MCUB: variants seen among roughly 807,000 people sequenced by gnomAD.
MCUB encodes mitochondrial calcium uniporter dominant negative subunit beta.
MCUB carries 46 observed loss-of-function variants against 41.4 expected under a neutral mutation model. The ratio of observed to expected loss-of-function variants is 1.11; its 90% CI spans 0.88 to 1.42. MCUB has a LOEUF of 1.42. Ranked by LOEUF, MCUB falls within the 40% of genes most tolerant of loss-of-function variation. The probability of loss-of-function intolerance (pLI) is 0.00; values close to 1 mark genes in which losing one functional copy is unlikely to be tolerated. For missense variants in MCUB, 403 were observed against 404.9 expected (o/e 1.00, Z 0.04); for synonymous variants, 148 against 148.2 (o/e 1.00, Z 0.01).
At chr4:109,640,808 A>G (rs1728697396) in intron 1 of MCUB, among the ~76,000 whole-genome samples, 1 of 152,222 alleles carries the variant, frequency 6.6e-6, no homozygotes, top group Admixed American at 6.5e-5. Context: ...TGTTCACTGG[A>G]GTAGCACATT....
At chr4:109,612,263 C>CTT (rs56813205) in intron 1 of MCUB, among the ~76,000 whole-genome samples, 5,500 of 114,740 alleles carry the variant, frequency 0.048, 355 homozygotes, top group African/African-American at 0.11. Context: ...TCCTCCTTTT[C>CTT]TTTTTTTTTT....
chr4:109,593,954 G>A (rs1727496903), intron 1 of MCUB, among the ~76,000 whole-genome samples: 1 of 152,178 alleles, frequency 6.6e-6, no homozygotes, highest in Non-Finnish European at 1.5e-5. Context: ...ATGCTATATA[G>A]TCCAGTCAGT....
At chr4:109,619,829 G>A (rs1294903311) in intron 1 of MCUB, among the ~76,000 whole-genome samples, 2 of 152,132 alleles carry the variant, frequency 1.3e-5, no homozygotes, top group African/African-American at 2.4e-5. Context: ...GTGATATTGT[G>A]GCATATATCA....
At chr4:109,567,614 C>G (rs1726812904) in intron 1 of MCUB, among the ~76,000 whole-genome samples, 1 of 134,302 alleles carries the variant, frequency 7.4e-6, no homozygotes. Context: ...TTGGTTTCAC[C>G]ATGTTGACCA....
At chr4:109,560,479 TGC>T (rs1263867490) in intron 1 of MCUB, 43 bp downstream of exon 1, 41 of 961,714 alleles carry the variant, frequency 4.3e-5, no homozygotes, top group Non-Finnish European at 5.5e-5. Context: ...GGTAGGCTGG[TGC>T]AAAGTTTGCG....
In MCUB at chr4:109,658,883, T is replaced by A; in HGVS notation, c.100-128T>A. ...TGCCAAGGGCTCACCCTGGGATGCA[T>A]GACAAGTTGAGTTTTTCATTATGCT... On this transcript the variant is annotated intron_variant, in intron 1 of 7. Coordinates refer to ENST00000394650, the MANE Select transcript of MCUB (RefSeq NM_017918.5). The A allele has an allele frequency of 7.5e-6, 5 of 667,610 alleles. No individual in the cohort carries two copies. In the South Asian group the frequency reaches 9.0e-5, roughly 12 times the overall value. 41.4% of individuals were successfully genotyped at this position (667,610 alleles called of 1,614,324 possible). A position where few individuals can be genotyped will look rare whatever the true frequency, so the allele number is the denominator to read the frequency against.
At chr4:109,564,489 C>G (rs1726726076) in intron 1 of MCUB, among the ~76,000 whole-genome samples, 1 of 152,162 alleles carries the variant, frequency 6.6e-6, no homozygotes, top group African/African-American at 2.4e-5. Flanking sequence ...TTTCACTGTT[C>G]CCTATTTCTT....
At chr4:109,592,173 G>C (rs1268171282) in intron 1 of MCUB, among the ~76,000 whole-genome samples, 1 of 151,868 alleles carries the variant, frequency 6.6e-6, no homozygotes, top group Non-Finnish European at 1.5e-5. Context: ...TTGAAAGGAG[G>C]CCGAGGTGGG....
At chr4:109,609,892 G>T (rs908870860) in intron 1 of MCUB, among the ~76,000 whole-genome samples, 1 of 152,182 alleles carries the variant, frequency 6.6e-6, no homozygotes, top group African/African-American at 2.4e-5. Flanking sequence ...AGCAGGTCCA[G>T]AGATGCCATC....
chr4:109,602,592 T>C (rs1727768954), intron 1 of MCUB, among the ~76,000 whole-genome samples: 1 of 152,246 alleles, frequency 6.6e-6, no homozygotes, highest in African/African-American at 2.4e-5. Context: ...AGTACTAGGC[T>C]GTTTTGGTTA....
chr4:109,639,990 G>A (rs1457829222), intron 1 of MCUB, among the ~76,000 whole-genome samples: 1 of 152,234 alleles, frequency 6.6e-6, no homozygotes, highest in Non-Finnish European at 1.5e-5. Context: ...TGAGTAACAA[G>A]GCTGTTTATT....
intron 1 of MCUB, among the ~76,000 whole-genome samples, chr4:109,580,030 GC>G (rs1727132454): frequency 6.6e-6 from 1 of 150,572 alleles, no homozygotes; most frequent in Non-Finnish European, 1.5e-5. Context: ...CCCTCCCCTT[GC>G]CCCCCACCCC....
intron 1 of MCUB, among the ~76,000 whole-genome samples, chr4:109,622,002 C>T (rs909045106): frequency 1.3e-5 from 2 of 152,164 alleles, no homozygotes; most frequent in Admixed American, 6.5e-5. Context: ...CTGCCTCAAC[C>T]TCCCAAGTAG....
intron 5 of MCUB, 79 bp from the exon 6 acceptor site, chr4:109,684,364 A>G (rs1729787782): frequency 8.3e-7 from 1 of 1,201,178 alleles, no homozygotes; most frequent in Non-Finnish European, 1.2e-6. Flanking sequence ...GCCCGGCAAG[A>G]GTTCCTTTTC....
chr4:109,637,746 G>T (rs898878826), intron 1 of MCUB, among the ~76,000 whole-genome samples: 9 of 152,136 alleles, frequency 5.9e-5, no homozygotes, highest in African/African-American at 2.2e-4. Context: ...TTGGGGACTC[G>T]GGAAAATGGT....
chr4:109,584,190 G>A (rs1178404082), intron 1 of MCUB, among the ~76,000 whole-genome samples: 1 of 152,146 alleles, frequency 6.6e-6, no homozygotes, highest in East Asian at 1.9e-4. Flanking sequence ...GGGTGTATGT[G>A]TCCAGGAATT....
chr4:109,641,267 AT>A (rs70954174), intron 1 of MCUB, among the ~76,000 whole-genome samples: 95,239 of 136,710 alleles, frequency 0.7, 33,220 homozygotes, highest in African/African-American at 0.83. Flanking sequence ...TACTTTTTGT[AT>A]TTTTTTTTTT....
chr4:109,585,516 G>A (rs749415222), intron 1 of MCUB, among the ~76,000 whole-genome samples: 7 of 152,010 alleles, frequency 4.6e-5, no homozygotes, highest in Non-Finnish European at 5.9e-5. Context: ...TATTTTACCC[G>A]TTAGTTGATG....
chr4:109,632,215 CAT>C (rs888756312), intron 1 of MCUB, among the ~76,000 whole-genome samples: 3 of 152,134 alleles, frequency 2.0e-5, no homozygotes, highest in African/African-American at 7.2e-5. Flanking sequence ...TTTCTGACCA[CAT>C]ATGTATCTGT....
Sources: allele counts gnomAD v4.1 joint callset (sites outside exome capture counted in the v4.1 genomes callset), GRCh38; gene constraint gnomAD v4.1.1; transcripts MANE v1.5; gene names NCBI Gene and HGNC (gene_info 2026-07-23, HGNC 2026-07-21).